The following JARID2 variants were observed in gnomAD, a reference collection of about 807,000 sequenced individuals.
JARID2 encodes jumonji and AT-rich interaction domain containing 2.
JARID2 carries 21 observed loss-of-function variants against 125.6 expected under a neutral mutation model. The observed-to-expected ratio is 0.17, with a 90% CI of 0.12 to 0.24. The LOEUF is 0.24. JARID2 is among the 10% of genes least tolerant of loss of function. JARID2 has a pLI of 1.00. For synonymous variants in JARID2, 736 were observed against 661.6 expected, an observed-to-expected ratio of 1.11 and a Z score of -1.73; for missense variants, 1,303 against 1,639.6, an observed-to-expected ratio of 0.79 and a Z score of 3.55.
At chr6:15,394,414 C>T (rs921343527) in intron 2 of JARID2, among the ~76,000 whole-genome samples, 6 of 152,130 alleles carry the variant, frequency 3.9e-5, no homozygotes, top group Non-Finnish European at 5.9e-5. Context: ...GCCTGGGCAG[C>T]TTGGCGAAAC....
At chr6:15,458,933 G>A (rs980420787) in intron 4 of JARID2, among the ~76,000 whole-genome samples, 3 of 152,156 alleles carry the variant, frequency 2.0e-5, no homozygotes, top group Admixed American at 1.3e-4. Flanking sequence ...ATCCCTTGGC[G>A]TTCTTCAAGT....
chr6:15,502,167 C>G (rs6920285), intron 8 of JARID2, among the ~76,000 whole-genome samples: 150,856 of 152,348 alleles, frequency 0.99, 74,693 homozygotes, highest in Middle Eastern at 1. Flanking sequence ...CGGCAGCACA[C>G]TCATCCTGAG....
In JARID2 at chr6:15,496,067, C is replaced by T. The variant is rs1179727666; in HGVS notation, c.907-65C>T. On this transcript the variant is annotated intron_variant, in intron 6 of 17. Transcript: ENST00000341776. ...CCAGGGTCCTTTCTCACGGGTGGGCCGGTCATTTTAGTGGCAGGTACTAAT... is the reference window on the plus strand; with the variant it reads ...CCAGGGTCCTTTCTCACGGGTGGGCTGGTCATTTTAGTGGCAGGTACTAAT... 5.5e-5 allele frequency: 75 copies of T among 1,373,266 alleles called. No individual in the cohort carries two copies. In the South Asian group the frequency reaches 7.1e-4, roughly 13 times the overall value. The allele number at this position is 1,373,266 out of a possible 1,614,324, so 85.1% of individuals were successfully genotyped here.
At chr6:15,446,500 A>G (rs1258252321) in intron 3 of JARID2, among the ~76,000 whole-genome samples, 1 of 152,232 alleles carries the variant, frequency 6.6e-6, no homozygotes, top group Non-Finnish European at 1.5e-5. Flanking sequence ...GCCGCCAGGC[A>G]TGGCAAGAGA....
chr6:15,460,766 G>A (rs562231742), intron 4 of JARID2, among the ~76,000 whole-genome samples: 1 of 152,252 alleles, frequency 6.6e-6, no homozygotes, highest in East Asian at 1.9e-4. Context: ...GTGCAGTGGC[G>A]TGATCTCGGC....
intron 1 of JARID2, among the ~76,000 whole-genome samples, chr6:15,309,014 A>G (rs953609123): frequency 3.9e-5 from 6 of 152,306 alleles, no homozygotes; most frequent in Non-Finnish European, 5.9e-5. Context: ...CTGGCCCAAT[A>G]TCTTTCCCCT....
chr6:15,393,250 A>G (rs952793048), intron 2 of JARID2, among the ~76,000 whole-genome samples: 1 of 152,234 alleles, frequency 6.6e-6, no homozygotes, highest in African/African-American at 2.4e-5. Context: ...CTTTTGGGCA[A>G]TGTTAGAATA....
intron 1 of JARID2, among the ~76,000 whole-genome samples, chr6:15,362,445 C>G (rs1470488317): frequency 6.6e-6 from 1 of 152,152 alleles, no homozygotes; most frequent in African/African-American, 2.4e-5. Context: ...TTTACCGTAG[C>G]ATTACTGTTG....
chr6:15,467,388 G>A (rs1218698762), intron 4 of JARID2, among the ~76,000 whole-genome samples: 1 of 152,124 alleles, frequency 6.6e-6, no homozygotes, highest in Non-Finnish European at 1.5e-5. Flanking sequence ...CATGAATTTT[G>A]TATTTACTAG....
At chr6:15,254,433 G>C (rs1356245581) in intron 1 of JARID2, among the ~76,000 whole-genome samples, 1 of 152,182 alleles carries the variant, frequency 6.6e-6, no homozygotes, top group African/African-American at 2.4e-5. Flanking sequence ...CCTCACTAGG[G>C]GCTGGGCCAT....
intron 3 of JARID2, among the ~76,000 whole-genome samples, chr6:15,433,787 C>G (rs1767074775): frequency 6.6e-6 from 1 of 152,110 alleles, no homozygotes; most frequent in Non-Finnish European, 1.5e-5. Flanking sequence ...TGCTTTCTCC[C>G]TGATAGTTCT....
At chr6:15,495,100 A>G (rs1770348628) in intron 6 of JARID2, among the ~76,000 whole-genome samples, 1 of 152,218 alleles carries the variant, frequency 6.6e-6, no homozygotes, top group African/African-American at 2.4e-5. Flanking sequence ...GTGATGGGGC[A>G]GTGGCCACAT....
intron 1 of JARID2, among the ~76,000 whole-genome samples, chr6:15,363,599 T>C (rs962039919): frequency 3.3e-5 from 5 of 152,128 alleles, no homozygotes; most frequent in African/African-American, 1.2e-4. Context: ...AAAAGGCGAG[T>C]AAGACACAGA....
intron 8 of JARID2, among the ~76,000 whole-genome samples, chr6:15,502,011 C>T (rs994206141): frequency 2.6e-5 from 4 of 152,192 alleles, no homozygotes; most frequent in African/African-American, 9.7e-5. Flanking sequence ...ACTGCCAGCC[C>T]AGCGTTGCCA....
At chr6:15,361,944 G>A (rs904581387) in intron 1 of JARID2, among the ~76,000 whole-genome samples, 3 of 146,892 alleles carry the variant, frequency 2.0e-5, no homozygotes, top group Non-Finnish European at 4.5e-5. Context: ...CTCCCAGGCT[G>A]GAGTGCAGTG....
intron 4 of JARID2, among the ~76,000 whole-genome samples, chr6:15,468,169 C>CTT (rs10700305): frequency 0.017 from 2,357 of 134,840 alleles, 35 homozygotes; most frequent in African/African-American, 0.037. Context: ...TCTTCTCTGT[C>CTT]TTTTTTTTTT....
At chr6:15,399,385 G>A (rs1480212758) in intron 2 of JARID2, among the ~76,000 whole-genome samples, 1 of 152,108 alleles carries the variant, frequency 6.6e-6, no homozygotes, top group African/African-American at 2.4e-5. Context: ...CTATGAAGTG[G>A]GGGAATTGTA....
chr6:15,292,701 C>G (rs1455289125), intron 1 of JARID2, among the ~76,000 whole-genome samples: 2 of 152,174 alleles, frequency 1.3e-5, no homozygotes, highest in East Asian at 1.9e-4. Flanking sequence ...GAGTCTCACT[C>G]TTGTCACCCA....
chr6:15,520,066 C>G lies in JARID2; in HGVS notation c.3559-3C>G. ...ACTGTGTCTTCCTTTCACCCCCAAA[C>G]AGGAACAGATTATCAGTCTGGTCAA... On this transcript the variant is annotated splice_polypyrimidine_tract_variant and splice_region_variant and intron_variant, in intron 17 of 17. Coordinates refer to ENST00000341776, the MANE Select transcript of JARID2 (RefSeq NM_004973.4). The G allele has an allele frequency of 6.2e-7, 1 of 1,609,112 alleles. No individual in the cohort carries two copies. The highest frequency in any genetic ancestry group is 8.5e-7 in the Non-Finnish European group (1 of 1,177,814).
Sources: allele counts gnomAD v4.1 joint callset (sites outside exome capture counted in the v4.1 genomes callset), GRCh38; gene constraint gnomAD v4.1.1; transcripts MANE v1.5; gene names NCBI Gene and HGNC (gene_info 2026-07-23, HGNC 2026-07-21).